SLMAP: variants seen among roughly 807,000 people sequenced by gnomAD.
SLMAP encodes the protein sarcolemma associated protein, also known as sarcolemmal membrane-associated protein.
SLMAP carries 44 observed loss-of-function variants against 128.8 expected under a neutral mutation model. The ratio of observed to expected loss-of-function variants is 0.34; its 90% CI spans 0.27 to 0.44. The LOEUF is 0.44. Among genes scored for constraint, SLMAP ranks in the 20% least tolerant of loss-of-function variants. The pLI, the probability that SLMAP is intolerant of heterozygous loss-of-function variation, is 1.00. For missense variants in SLMAP, 787 were observed against 985.3 expected, an observed-to-expected ratio of 0.80 and a Z score of 2.69; for synonymous variants, 327 against 348.8, an observed-to-expected ratio of 0.94 and a Z score of 0.70.
chr3:57,913,793 C>CA (rs1424315693), intron 21 of SLMAP, among the ~76,000 whole-genome samples: 2 of 151,634 alleles, frequency 1.3e-5, no homozygotes, highest in East Asian at 1.9e-4. Flanking sequence ...CCTGTCTCTA[C>CA]AAAAAAATAC....
At chr3:57,853,616 T>C (rs1457315726) in intron 6 of SLMAP, among the ~76,000 whole-genome samples, 1 of 152,054 alleles carries the variant, frequency 6.6e-6, no homozygotes, top group Non-Finnish European at 1.5e-5. Flanking sequence ...ACCTAAAGTT[T>C]AGACTTTGTA....
At position 57,908,448 on chromosome 3, in the gene SLMAP, GC is replaced by G. The variant is rs548881058; in HGVS notation, c.1624+443del. On this transcript the variant is annotated intron_variant, in intron 18 of 24. Coordinates refer to ENST00000671191, the MANE Select transcript of SLMAP (RefSeq NM_001377540.1). ...TATCATTCATAGTAACTACCTGGTT[GC>G]AGACAATTAGTATCTCAAAGAGTCT... is the stretch of plus-strand genomic sequence containing the variant. Among the ~76,000 whole-genome samples the G allele has an allele frequency of 7.1e-4, 108 of 152,284 alleles. 1 individual carries two copies. The South Asian group carries it at 0.011, about 16-fold the overall frequency.
At chr3:57,839,043 TC>T in intron 3 of SLMAP, among the ~76,000 whole-genome samples, 1 of 152,204 alleles carries the variant, frequency 6.6e-6, no homozygotes, top group South Asian at 2.1e-4. Context: ...AGCCTCGAAC[TC>T]CCAGGCTCAA....
chr3:57,762,476 T>C lies in SLMAP; in HGVS notation c.198+4627T>C, dbSNP rs1471305151. 2.0e-5 allele frequency among the ~76,000 whole-genome samples: 3 copies of C among 152,098 alleles called. No individual in the cohort carries two copies. The East Asian group carries it at 5.8e-4, about 29-fold the overall frequency. On this transcript the variant is annotated intron_variant, in intron 2 of 24. Transcript: ENST00000671191. The stretch of plus-strand genomic sequence containing the variant: ...TCTGCAAAATGTAGGCAGGTGGAAA[T>C]CTAAGTGACACTTTTTAATGCTAAG...
At chr3:57,768,786 G>A (rs892825993) in intron 2 of SLMAP, among the ~76,000 whole-genome samples, 7 of 151,808 alleles carry the variant, frequency 4.6e-5, no homozygotes, top group Admixed American at 4.6e-4. Context: ...AATGTGGGTG[G>A]GCCTCTCTAA....
At chr3:57,760,104 T>C (rs543177392) in intron 2 of SLMAP, among the ~76,000 whole-genome samples, 206 of 152,314 alleles carry the variant, frequency 1.4e-3, no homozygotes, top group African/African-American at 4.7e-3. Context: ...CATGCCCAGC[T>C]AATTTTTATA....
At chr3:57,801,295 G>A (rs761988562) in intron 2 of SLMAP, 1 of 152,680 alleles carries the variant, frequency 6.5e-6, no homozygotes, top group Non-Finnish European at 1.5e-5. Flanking sequence ...TGAACAGTCT[G>A]CGTCATCCTG....
intron 2 of SLMAP, among the ~76,000 whole-genome samples, chr3:57,806,301 T>C (rs2089844213): frequency 1.3e-5 from 2 of 152,218 alleles, no homozygotes; most frequent in African/African-American, 4.8e-5. Flanking sequence ...AGTGAGAACA[T>C]GCGGTGTTTG....
intron 13 of SLMAP, among the ~76,000 whole-genome samples, chr3:57,871,431 A>G (rs11706380): frequency 9.3e-4 from 141 of 152,316 alleles, no homozygotes; most frequent in Admixed American, 1.6e-3. Flanking sequence ...CTACACCTTT[A>G]AAAGCTAACC....
chr3:57,853,609 T>C (rs935565078), intron 6 of SLMAP, among the ~76,000 whole-genome samples: 13 of 152,094 alleles, frequency 8.5e-5, no homozygotes, highest in African/African-American at 3.1e-4. Context: ...ACAAGCCACC[T>C]AAAGTTTAGA....
intron 6 of SLMAP, among the ~76,000 whole-genome samples, chr3:57,854,045 A>G (rs867298201): frequency 1.9e-4 from 20 of 103,360 alleles, no homozygotes; most frequent in South Asian, 3.2e-4. Context: ...GTGTATATAT[A>G]TACACATAAC....
chr3:57,831,631 C>T lies in SLMAP; in HGVS notation c.346+101C>T, dbSNP rs939328394. 2.1e-4 allele frequency: 165 copies of T among 785,862 alleles called. 1 individual carries two copies. The highest frequency in any genetic ancestry group is 6.7e-5 in the Admixed American group (2 of 29,698). 48.7% of individuals were successfully genotyped at this position (785,862 alleles called of 1,614,324 possible). On this transcript the variant is annotated intron_variant, in intron 3 of 24. Coordinates refer to ENST00000671191, the MANE Select transcript of SLMAP (RefSeq NM_001377540.1). ...ATGAAACATTACATGCTTGTGAAAG[C>T]GATTTAAATACAGCATTATATACAG...
intron 17 of SLMAP, among the ~76,000 whole-genome samples, chr3:57,902,558 C>G (rs1410781078): frequency 1.3e-5 from 2 of 152,048 alleles, no homozygotes; most frequent in Non-Finnish European, 1.5e-5. Flanking sequence ...AGTCAAGAGG[C>G]TTAATCATTT....
intron 23 of SLMAP, 53 bp from the exon 24 acceptor site, chr3:57,925,792 A>C: frequency 1.5e-6 from 2 of 1,305,582 alleles, no homozygotes; most frequent in Non-Finnish European, 2.2e-6. Context: ...GAATCCTCTT[A>C]TCTGATTACT....
At chr3:57,844,607 A>T (rs1415655029) in intron 4 of SLMAP, among the ~76,000 whole-genome samples, 13 of 151,006 alleles carry the variant, frequency 8.6e-5, no homozygotes, top group Non-Finnish European at 2.9e-5. Context: ...ATTTTTAGCC[A>T]TTTGTTTATT....
At chr3:57,854,797 G>A (rs1484463317) in intron 6 of SLMAP, among the ~76,000 whole-genome samples, 1 of 152,124 alleles carries the variant, frequency 6.6e-6, no homozygotes, top group Non-Finnish European at 1.5e-5. Flanking sequence ...ACATATATGT[G>A]TATGTGGTTG....
chr3:57,896,345 T>G (rs943537248), intron 15 of SLMAP, 166 bp from the exon 16 acceptor site: 1 of 1,366,446 alleles, frequency 7.3e-7, no homozygotes, highest in African/African-American at 1.5e-5. Context: ...TAACCAGCAT[T>G]CCATTTTGGA....
chr3:57,820,524 A>G (rs1240907377), intron 2 of SLMAP, among the ~76,000 whole-genome samples: 1 of 152,076 alleles, frequency 6.6e-6, no homozygotes, highest in Non-Finnish European at 1.5e-5. Flanking sequence ...CCCCGCCCCC[A>G]CTACCACCCC....
chr3:57,925,617 A>G (rs1385257506), intron 23 of SLMAP, among the ~76,000 whole-genome samples: 1 of 152,106 alleles, frequency 6.6e-6, no homozygotes, highest in Admixed American at 6.6e-5. Context: ...CATTGAGCCT[A>G]ACGGTTCCTA....
Sources: gnomAD v4.1 joint callset for allele counts (sites outside exome capture counted in the v4.1 genomes callset) on GRCh38, gnomAD v4.1.1 for gene constraint, MANE v1.5 for transcripts, NCBI Gene and HGNC (gene_info 2026-07-23, HGNC 2026-07-21) for gene names.